Variants in CNTN4 observed in about 807,000 individuals in gnomAD.
CNTN4 encodes the protein contactin-4.
In CNTN4, 77 loss-of-function variants were observed where a neutral mutation model predicts 122.5. That is an observed-to-expected ratio of 0.63 (90% CI 0.52 to 0.76). The LOEUF is 0.76. Ranked by LOEUF, CNTN4 falls within the 30% of genes least tolerant of loss-of-function variation. The pLI is 0.00. For synonymous variants in CNTN4, 512 were observed against 447.0 expected (o/e 1.15, Z -1.83); for missense variants, 1,256 against 1,259.1 (o/e 1.00, Z 0.04).
chr3:2,887,970 C>T (rs1427366241), intron 10 of CNTN4, among the ~76,000 whole-genome samples: 11 of 152,100 alleles, frequency 7.2e-5, no homozygotes, highest in Admixed American at 1.3e-4. Context: ...GTCTGGGATA[C>T]AGAAAACAAA....
chr3:2,822,697 A>G (rs957619289), intron 7 of CNTN4, among the ~76,000 whole-genome samples: 1 of 152,218 alleles, frequency 6.6e-6, no homozygotes, highest in African/African-American at 2.4e-5. Flanking sequence ...AGGAAAGGCA[A>G]AACACATGGA....
At chr3:2,527,994 A>G (rs1440444040) in intron 3 of CNTN4, among the ~76,000 whole-genome samples, 1 of 151,916 alleles carries the variant, frequency 6.6e-6, no homozygotes. Flanking sequence ...ATGTTCTTTC[A>G]TTTGGTCATA....
At chr3:2,376,764 C>G (rs1237111750) in intron 3 of CNTN4, among the ~76,000 whole-genome samples, 2 of 151,314 alleles carry the variant, frequency 1.3e-5, no homozygotes, top group Non-Finnish European at 2.9e-5. Context: ...GCTTTCTTCT[C>G]TCATGTTGGT....
chr3:2,761,437 CCTGTGT>C lies in CNTN4; in HGVS notation c.358+15741_358+15746del, dbSNP rs1259153637. Among the ~76,000 whole-genome samples the C allele has an allele frequency of 7.2e-3, 940 of 130,458 alleles. 9 individuals carry two copies. Among genetic ancestry groups the C allele is most frequent in the African/African-American group, 0.025 (856 of 34,540 alleles). 85.6% of individuals were successfully genotyped at this position (130,458 alleles called of 152,430 possible). A position where few individuals can be genotyped will look rare whatever the true frequency, so the allele number is the denominator to read the frequency against. On this transcript the variant is annotated intron_variant, in intron 6 of 24. Coordinates refer to ENST00000418658, the MANE Select transcript of CNTN4 (RefSeq NM_175607.3). ...GATTAAATATGCCTGGTAAGTGTAACCTGTGTGTGTGTGTGTGTGTGTGTGTGTGTG... is the reference window on the plus strand; with the variant it reads ...GATTAAATATGCCTGGTAAGTGTAACGTGTGTGTGTGTGTGTGTGTGTGTG...
intron 2 of CNTN4, among the ~76,000 whole-genome samples, chr3:2,271,391 A>C (rs546921927): frequency 1.3e-5 from 2 of 152,288 alleles, no homozygotes; most frequent in Non-Finnish European, 2.9e-5. Context: ...ATTATTTTAA[A>C]GATAATTACA....
intron 14 of CNTN4, 32 bp from the exon 15 acceptor site, chr3:3,026,070 T>C (rs1312683200): frequency 6.3e-7 from 1 of 1,590,794 alleles, no homozygotes; most frequent in African/African-American, 1.3e-5. Context: ...GACTTTGTTG[T>C]TGTTATTGTT....
intron 3 of CNTN4, among the ~76,000 whole-genome samples, chr3:2,506,954 C>A (rs80114286): frequency 0.016 from 2,508 of 152,078 alleles, 31 homozygotes; most frequent in Middle Eastern, 0.031. Flanking sequence ...GGCTCATGTT[C>A]GGTTTTGCAT....
intron 13 of CNTN4, among the ~76,000 whole-genome samples, chr3:2,943,231 T>C (rs2094634369): frequency 6.6e-6 from 1 of 152,178 alleles, no homozygotes; most frequent in Non-Finnish European, 1.5e-5. Context: ...CAAAGAAGGC[T>C]GGGTAAAAGC....
intron 2 of CNTN4, among the ~76,000 whole-genome samples, chr3:2,312,241 T>A (rs1440218003): frequency 6.6e-6 from 1 of 151,960 alleles, no homozygotes; most frequent in Non-Finnish European, 1.5e-5. Flanking sequence ...AGAACATGAA[T>A]CACAACAGGA....
chr3:2,914,141 G>A (rs763740258), intron 12 of CNTN4, among the ~76,000 whole-genome samples: 4 of 151,952 alleles, frequency 2.6e-5, no homozygotes, highest in Non-Finnish European at 5.9e-5. Flanking sequence ...CAAAACTTAC[G>A]GATGCAGCAA....
intron 3 of CNTN4, among the ~76,000 whole-genome samples, chr3:2,498,657 T>G (rs2076515804): frequency 6.6e-6 from 1 of 152,066 alleles, no homozygotes; most frequent in Admixed American, 6.6e-5. Context: ...ATTTTTGTAT[T>G]TTTTTGTAGA....
At chr3:2,599,760 C>G (rs895257392) in intron 4 of CNTN4, among the ~76,000 whole-genome samples, 3 of 152,078 alleles carry the variant, frequency 2.0e-5, no homozygotes. Flanking sequence ...TTCATTATTG[C>G]ATTAGAGAGT....
At chr3:3,037,060 A>T in intron 17 of CNTN4, 119 bp from the exon 18 acceptor site, 2 of 1,178,226 alleles carry the variant, frequency 1.7e-6, no homozygotes, top group Non-Finnish European at 2.5e-6. Flanking sequence ...CAGAACACCT[A>T]CACTGCCCTG....
chr3:2,443,929 C>T (rs1377065545), intron 3 of CNTN4, among the ~76,000 whole-genome samples: 1 of 152,020 alleles, frequency 6.6e-6, no homozygotes, highest in Non-Finnish European at 1.5e-5. Context: ...TAGGAAGGAC[C>T]AAATGGATTT....
chr3:2,308,309 T>C (rs1342725026), intron 2 of CNTN4, among the ~76,000 whole-genome samples: 2 of 152,070 alleles, frequency 1.3e-5, no homozygotes, highest in African/African-American at 4.8e-5. Flanking sequence ...TTTGTCAGTC[T>C]AGCTAAAGTT....
chr3:2,538,599 TG>T, intron 3 of CNTN4, among the ~76,000 whole-genome samples: 1 of 151,988 alleles, frequency 6.6e-6, no homozygotes, highest in Non-Finnish European at 1.5e-5. Flanking sequence ...TTCTGCAGAG[TG>T]GTGGTGTAAT....
chr3:2,509,209 A>G (rs1396964989), intron 3 of CNTN4, among the ~76,000 whole-genome samples: 1 of 152,214 alleles, frequency 6.6e-6, no homozygotes, highest in Non-Finnish European at 1.5e-5. Flanking sequence ...GAGGTGCACA[A>G]TTGCTATTTA....
chr3:2,854,829 A>G lies in CNTN4; in HGVS notation c.455-11923A>G, dbSNP rs903415054. On this transcript the variant is annotated intron_variant, in intron 7 of 24. Transcript: ENST00000418658. ...TAGAGTTAAACTGACATTTTCCACC[A>G]TTCAACATTTTTTTCATTATTCCTG... Among the ~76,000 whole-genome samples the G allele has an allele frequency of 2.6e-5, 4 of 152,186 alleles. No individual in the cohort carries two copies. In the South Asian group the frequency reaches 8.3e-4, roughly 32 times the overall value.
At chr3:2,223,697 G>A (rs181671197) in intron 2 of CNTN4, among the ~76,000 whole-genome samples, 118 of 152,286 alleles carry the variant, frequency 7.7e-4, no homozygotes, top group African/African-American at 2.7e-3. Flanking sequence ...GGATCACCAT[G>A]CCTAGACTGT....
Sources: gnomAD v4.1 joint callset for allele counts (sites outside exome capture counted in the v4.1 genomes callset) on GRCh38, gnomAD v4.1.1 for gene constraint, MANE v1.5 for transcripts, NCBI Gene and HGNC (gene_info 2026-07-23, HGNC 2026-07-21) for gene names.